The following BICD1 variants were observed in gnomAD, a reference collection of about 807,000 sequenced individuals.
BICD1 encodes the protein BICD cargo adaptor 1, also known as protein bicaudal D homolog 1.
Under a neutral mutation model 92.5 loss-of-function variants are expected in BICD1, and 35 were observed. That is an observed-to-expected ratio of 0.38 (90% CI 0.29 to 0.50). The LOEUF is 0.50. BICD1 is among the 20% of genes least tolerant of loss of function. The pLI is 0.93. For synonymous variants in BICD1, 429 were observed against 465.1 expected (o/e 0.92, Z 1.00); for missense variants, 950 against 1,189.8 (o/e 0.80, Z 2.97).
At chr12:32,350,637 C>T (rs1484981882) in intron 8 of BICD1, among the ~76,000 whole-genome samples, 1 of 152,196 alleles carries the variant, frequency 6.6e-6, no homozygotes, top group Non-Finnish European at 1.5e-5. Flanking sequence ...TCGCTGCCAC[C>T]CTCAGGGATT....
At chr12:32,191,519 C>T (rs1944565704) in intron 1 of BICD1, among the ~76,000 whole-genome samples, 2 of 149,192 alleles carry the variant, frequency 1.3e-5, no homozygotes, top group African/African-American at 2.5e-5. Flanking sequence ...GTCTCTGTGT[C>T]CCATTTTGGT....
At chr12:32,228,929 G>T (rs1172682452) in intron 2 of BICD1, among the ~76,000 whole-genome samples, 1 of 152,098 alleles carries the variant, frequency 6.6e-6, no homozygotes. Context: ...AAGAGCTTGG[G>T]AGAGAGGTCT....
chr12:32,303,218 A>G (rs1948111692), intron 3 of BICD1, among the ~76,000 whole-genome samples: 1 of 152,104 alleles, frequency 6.6e-6, no homozygotes, highest in Admixed American at 6.6e-5. Context: ...CTGAGATTAC[A>G]GGCCTGAGCC....
chr12:32,311,961 A>G (rs899613876), intron 4 of BICD1, among the ~76,000 whole-genome samples: 6 of 152,202 alleles, frequency 3.9e-5, no homozygotes, highest in Non-Finnish European at 7.3e-5. Context: ...CTTGATATAC[A>G]GGGTTAAATA....
intron 1 of BICD1, among the ~76,000 whole-genome samples, chr12:32,205,118 A>T (rs911799502): frequency 1.4e-4 from 21 of 152,172 alleles, no homozygotes; most frequent in African/African-American, 5.1e-4. Flanking sequence ...TGGTATTTTC[A>T]TACAGATTTT....
At chr12:32,139,748 A>T (rs1462565462) in intron 1 of BICD1, among the ~76,000 whole-genome samples, 1 of 151,986 alleles carries the variant, frequency 6.6e-6, no homozygotes, top group Non-Finnish European at 1.5e-5. Flanking sequence ...ATTTTTAGTA[A>T]AGACGGGGTT....
intron 1 of BICD1, among the ~76,000 whole-genome samples, chr12:32,173,020 C>G (rs1164750919): frequency 8.6e-5 from 13 of 152,044 alleles, no homozygotes; most frequent in Non-Finnish European, 4.4e-5. Context: ...GCCCCGGAGT[C>G]CCGCCCTGTT....
rs1237971974 is a variant in BICD1 at position 32,313,515 on chromosome 12, C to A, written c.1005+7393C>A. Among the ~76,000 whole-genome samples the A allele has an allele frequency of 6.6e-6, 1 of 152,094 alleles. No homozygotes were observed. Among genetic ancestry groups the A allele is most frequent in the Non-Finnish European group, 1.5e-5 (1 of 68,020 alleles). ...GAGTTGCTACACAGAGACAGTCGAA[C>A]AAGTGAAATATTATCTCTGCTTAAA... On this transcript the variant is annotated intron_variant, in intron 4 of 9. Transcript: ENST00000652176. The surrounding 1 kb of genome is among the most constrained non-coding windows in gnomAD (Gnocchi z 4.2).
chr12:32,197,121 G>A (rs1944748878), intron 1 of BICD1, among the ~76,000 whole-genome samples: 1 of 151,362 alleles, frequency 6.6e-6, no homozygotes, highest in Non-Finnish European at 1.5e-5. Context: ...AGATTCTTAT[G>A]CCTCAGCCTC....
intron 2 of BICD1, among the ~76,000 whole-genome samples, chr12:32,243,101 T>C (rs529737351): frequency 6.6e-6 from 1 of 151,614 alleles, no homozygotes; most frequent in South Asian, 2.1e-4. Context: ...GTATTTAGGA[T>C]TTTCTTTTTT....
intron 2 of BICD1, among the ~76,000 whole-genome samples, chr12:32,270,119 TAAAA>T (rs34843444): frequency 7.7e-6 from 1 of 129,082 alleles, no homozygotes. Context: ...AGACTCCCTC[TAAAA>T]AAAAAAAAAA....
chr12:32,131,953 G>C (rs888423174), intron 1 of BICD1, among the ~76,000 whole-genome samples: 1 of 152,198 alleles, frequency 6.6e-6, no homozygotes, highest in Non-Finnish European at 1.5e-5. Context: ...AGACTGGCGG[G>C]GGTGCTGGCT....
rs750312929 is a variant in BICD1, at chr12:32,377,533, T to C, written c.2841-7T>C. 1.4e-5 allele frequency: 23 copies of C among 1,613,364 alleles called. 1 individual carries two copies. In the South Asian group the frequency reaches 2.4e-4, roughly 17 times the overall value. Reference sequence around the variant, plus strand: ...TTCTTGCTGACGTGCTTGTTTCTCCTTTCCAGTCCTGACACAGCTCTCCCT... The same window carrying C: ...TTCTTGCTGACGTGCTTGTTTCTCCCTTCCAGTCCTGACACAGCTCTCCCT... On this transcript the variant is annotated splice_region_variant and splice_polypyrimidine_tract_variant and intron_variant, in intron 9 of 9. Transcript: ENST00000652176.
Position 32,216,255 on chromosome 12 carries a change from G to T in BICD1, c.222G>T (p.Gly74=). Residue 74 remains glycine, a synonymous_variant, in exon 2 of 10, where the codon GGG becomes GGT. Transcript: ENST00000652176. ...QELEQLKEAF[G]QSFSIHRKVA... ...TCCCATATACTCTGCAGGCATTTGG[G>T]CAGTCCTTCTCCATCCACCGGAAGG... 6.2e-7 allele frequency: 1 copy of T among 1,613,390 alleles called. No individual in the cohort carries two copies. The highest frequency in any genetic ancestry group is 8.5e-7 in the Non-Finnish European group (1 of 1,179,914).
At chr12:32,278,505 T>A (rs1947331378) in intron 2 of BICD1, among the ~76,000 whole-genome samples, 2 of 152,138 alleles carry the variant, frequency 1.3e-5, no homozygotes, top group South Asian at 4.1e-4. Flanking sequence ...CCAAAACAAA[T>A]CAGTAAATCC....
chr12:32,217,955 A>C (rs1945407747), intron 2 of BICD1, among the ~76,000 whole-genome samples: 1 of 152,232 alleles, frequency 6.6e-6, no homozygotes, highest in Admixed American at 6.5e-5. Context: ...GACCGTGTGC[A>C]CACGCATGCA....
chr12:32,337,203 C>T lies in BICD1; in HGVS notation c.2253-296C>T, dbSNP rs548788745. ...CAGAGGTTACAGTGAGCCAAGATCACGCCACTGCACTCCAGCCTGGGCGAT... is the reference window on the plus strand; with the variant it reads ...CAGAGGTTACAGTGAGCCAAGATCATGCCACTGCACTCCAGCCTGGGCGAT... On this transcript the variant is annotated intron_variant, in intron 6 of 9. Transcript: ENST00000652176. The surrounding 1 kb of genome is among the most constrained non-coding windows in gnomAD (Gnocchi z 4.7). 7.9e-5 allele frequency among the ~76,000 whole-genome samples: 12 copies of T among 152,262 alleles called. No homozygotes were observed. The East Asian group carries it at 2.1e-3, about 27-fold the overall frequency.
chr12:32,128,941 T>C (rs899652914), intron 1 of BICD1, among the ~76,000 whole-genome samples: 1 of 76,704 alleles, frequency 1.3e-5, no homozygotes, highest in African/African-American at 4.8e-5. Context: ...TCCAACTAAT[T>C]TTTTTTTTCT....
chr12:32,218,414 C>G (rs1945421545), intron 2 of BICD1, among the ~76,000 whole-genome samples: 2 of 152,098 alleles, frequency 1.3e-5, no homozygotes. Flanking sequence ...GAGGTAGGAC[C>G]CAATAATTTG....
Sources: allele counts gnomAD v4.1 joint callset (sites outside exome capture counted in the v4.1 genomes callset), GRCh38; gene constraint gnomAD v4.1.1; non-coding constraint Gnocchi (gnomAD v3.1); transcripts MANE v1.5; gene names NCBI Gene and HGNC (gene_info 2026-07-23, HGNC 2026-07-21).